Variants in ZMIZ1 observed in about 807,000 individuals in gnomAD.
ZMIZ1 encodes the protein zinc finger MIZ-type containing 1, also known as zinc finger MIZ domain-containing protein 1.
In ZMIZ1, 17 loss-of-function variants were observed where a neutral mutation model predicts 113.9. That is an observed-to-expected ratio of 0.15 (90% confidence interval 0.10 to 0.22). ZMIZ1 has a LOEUF of 0.22. Among genes scored for constraint, ZMIZ1 ranks in the 10% least tolerant of loss-of-function variants. The pLI is 1.00. For synonymous variants in ZMIZ1, 607 were observed against 603.1 expected, an observed-to-expected ratio of 1.01 and a Z score of -0.09; for missense variants, 1,059 against 1,477.8, an observed-to-expected ratio of 0.72 and a Z score of 4.65.
chr10:79,313,225 C>T lies in ZMIZ1; in HGVS notation c.*476C>T, dbSNP rs990472460. 2 of 159,044 alleles carry T rather than the reference C, an allele frequency of 1.3e-5. No homozygotes were observed. Among genetic ancestry groups the T allele is most frequent in the African/African-American group, 2.4e-5 (1 of 41,476 alleles). The allele number at this position is 159,044 out of a possible 1,614,324, so 9.9% of individuals were successfully genotyped here. A position where few individuals can be genotyped will look rare whatever the true frequency, so the allele number is the denominator to read the frequency against. On this transcript the variant is annotated 3_prime_UTR_variant, in exon 25 of 25. Coordinates refer to ENST00000334512, the MANE Select transcript of ZMIZ1 (RefSeq NM_020338.4). ...AAGGCCCCCGGGCCCCAGCATGGGC[C>T]CCGAGCCTTGGAGGAGCACTGGCAG...
At chr10:79,137,833 G>C (rs913372200) in intron 2 of ZMIZ1, among the ~76,000 whole-genome samples, 13 of 152,058 alleles carry the variant, frequency 8.5e-5, no homozygotes, top group Non-Finnish European at 1.6e-4. Context: ...GGCTGGGGGG[G>C]GGGTGCTCCT....
chr10:79,195,947 C>G (rs572138075), intron 4 of ZMIZ1, among the ~76,000 whole-genome samples: 1 of 152,184 alleles, frequency 6.6e-6, no homozygotes, highest in Admixed American at 6.5e-5. Flanking sequence ...TGGCCTGGTG[C>G]CTGAACATAG....
At chr10:79,085,582 G>T (rs1842785657) in intron 1 of ZMIZ1, among the ~76,000 whole-genome samples, 3 of 152,212 alleles carry the variant, frequency 2.0e-5, no homozygotes, top group Admixed American at 6.5e-5. Flanking sequence ...GGCAGAGGGT[G>T]CCCGCCTCCC....
intron 2 of ZMIZ1, among the ~76,000 whole-genome samples, chr10:79,128,008 C>T (rs1163819813): frequency 6.6e-6 from 1 of 152,226 alleles, no homozygotes; most frequent in Admixed American, 6.5e-5. Flanking sequence ...TGCAAGCATG[C>T]AGTTCCTTGC....
chr10:79,119,468 T>C (rs990479081), intron 2 of ZMIZ1, among the ~76,000 whole-genome samples: 5 of 152,234 alleles, frequency 3.3e-5, no homozygotes, highest in African/African-American at 1.2e-4. Context: ...ACCAGCATTG[T>C]ACATGTGAGA....
intron 4 of ZMIZ1, among the ~76,000 whole-genome samples, chr10:79,169,275 C>T: frequency 6.6e-6 from 1 of 152,238 alleles, no homozygotes; most frequent in Non-Finnish European, 1.5e-5. Flanking sequence ...CCCTTGTCAC[C>T]ACCTGGGGTG....
chr10:79,109,893 A>G (rs1843678216), intron 1 of ZMIZ1, among the ~76,000 whole-genome samples: 1 of 152,342 alleles, frequency 6.6e-6, no homozygotes, highest in South Asian at 2.1e-4. Context: ...CCCCCAGCAG[A>G]CCTCAGTCTC....
At chr10:79,137,832 G>C (rs990733074) in intron 2 of ZMIZ1, among the ~76,000 whole-genome samples, 1 of 152,090 alleles carries the variant, frequency 6.6e-6, no homozygotes, top group Non-Finnish European at 1.5e-5. Context: ...CGGCTGGGGG[G>C]GGGGTGCTCC....
intron 1 of ZMIZ1, among the ~76,000 whole-genome samples, chr10:79,086,276 C>T (rs1447474676): frequency 1.3e-5 from 2 of 152,176 alleles, no homozygotes; most frequent in Non-Finnish European, 2.9e-5. Context: ...CCAGGGACCT[C>T]CTAGGCATTC....
At chr10:79,184,771 C>T (rs921778512) in intron 4 of ZMIZ1, among the ~76,000 whole-genome samples, 1 of 152,222 alleles carries the variant, frequency 6.6e-6, no homozygotes, top group African/African-American at 2.4e-5. Context: ...TCTTCTGATC[C>T]AGTTCCCCTG....
chr10:79,241,508 CTGCCAG>C (rs1849829862), intron 7 of ZMIZ1, among the ~76,000 whole-genome samples: 1 of 152,240 alleles, frequency 6.6e-6, no homozygotes, highest in Admixed American at 6.5e-5. Flanking sequence ...TGGGGTTGGC[CTGCCAG>C]TAAGGGGATG....
chr10:79,273,112 A>G (rs1274373570), intron 7 of ZMIZ1, among the ~76,000 whole-genome samples: 1 of 152,120 alleles, frequency 6.6e-6, no homozygotes, highest in East Asian at 1.9e-4. Flanking sequence ...GAAGCAGTGC[A>G]TTTGCAGGTG....
intron 4 of ZMIZ1, among the ~76,000 whole-genome samples, chr10:79,186,958 C>G (rs1010848110): frequency 6.6e-6 from 1 of 152,228 alleles, no homozygotes; most frequent in African/African-American, 2.4e-5. Flanking sequence ...GCCCTTGGCA[C>G]CTGGCTCCAC....
intron 2 of ZMIZ1, among the ~76,000 whole-genome samples, chr10:79,120,533 G>T (rs1032941210): frequency 1.3e-5 from 2 of 152,224 alleles, no homozygotes; most frequent in Admixed American, 1.3e-4. Flanking sequence ...TGGGGAGGGT[G>T]TTGGGGCTTG....
chr10:79,197,029 T>G (rs560995008), intron 4 of ZMIZ1, among the ~76,000 whole-genome samples: 1 of 152,200 alleles, frequency 6.6e-6, no homozygotes, highest in Non-Finnish European at 1.5e-5. Context: ...CTTAGGTTTG[T>G]CAACAGCGCC....
intron 1 of ZMIZ1, among the ~76,000 whole-genome samples, chr10:79,112,855 C>G (rs778963874): frequency 9.2e-5 from 14 of 152,216 alleles, no homozygotes; most frequent in Non-Finnish European, 1.6e-4. Context: ...TCTTGACGGT[C>G]CCAGGCGTTG....
chr10:79,279,808 G>C (rs987583213), intron 8 of ZMIZ1, among the ~76,000 whole-genome samples: 12 of 152,100 alleles, frequency 7.9e-5, no homozygotes, highest in Non-Finnish European at 1.6e-4. Context: ...CAAAAAATAG[G>C]AAAACCAGTC....
chr10:79,259,462 C>T lies in ZMIZ1; in HGVS notation c.281-17719C>T, dbSNP rs566993161. ...GCTTCTTCTGTTCCATGCAGACTCA[C>T]CCTCACCCTGTGCTTCTCACTCCAT... On this transcript the variant is annotated intron_variant, in intron 7 of 24. Coordinates refer to ENST00000334512, the MANE Select transcript of ZMIZ1 (RefSeq NM_020338.4). Among the ~76,000 whole-genome samples the T allele has an allele frequency of 1.2e-3, 189 of 152,266 alleles. 1 individual carries two copies. The highest frequency in any genetic ancestry group is 4.4e-3 in the African/African-American group (184 of 41,544).
At chr10:79,262,231 G>A (rs115503751) in intron 7 of ZMIZ1, among the ~76,000 whole-genome samples, 6,861 of 152,330 alleles carry the variant, frequency 0.045, 174 homozygotes, top group African/African-American at 0.051. Flanking sequence ...CCCCAGGTCA[G>A]CAGCATCAGC....
Sources: gnomAD v4.1 joint callset for allele counts (sites outside exome capture counted in the v4.1 genomes callset) on GRCh38, gnomAD v4.1.1 for gene constraint, MANE v1.5 for transcripts, NCBI Gene and HGNC (gene_info 2026-07-23, HGNC 2026-07-21) for gene names.